SLC38A10: variants seen among roughly 807,000 people sequenced by gnomAD.
SLC38A10 encodes the protein solute carrier family 38 member 10, also known as Sodium-coupled neutral amino acid transporter 10.
Under a neutral mutation model 81.0 loss-of-function variants are expected in SLC38A10, and 53 were observed. The ratio of observed to expected loss-of-function variants is 0.65; its 90% confidence interval spans 0.53 to 0.82. The LOEUF is 0.82. Ranked by LOEUF, SLC38A10 falls within the 40% of genes least tolerant of loss-of-function variation. The pLI is 0.00. For missense variants in SLC38A10, 1,471 were observed against 1,545.0 expected (o/e 0.95, Z 0.80); for synonymous variants, 665 against 655.3 (o/e 1.01, Z -0.23).
Position 81,270,884 on chromosome 17 carries a change from C to T in SLC38A10, c.1131+34G>A, listed in dbSNP as rs1469783708. On this transcript the variant is annotated intron_variant, in intron 10 of 15. Coordinates refer to ENST00000374759, the MANE Select transcript of SLC38A10 (RefSeq NM_001037984.3). This position sits in a 1 kb window ranked among gnomAD's most constrained non-coding sequence, Gnocchi z 4.0. ...CCTCTCCCCAGCCCAGACCCATCAG[C>T]CCTCGTCCAGGCCACCCCACGAGCA... 6.3e-7 allele frequency: 1 copy of T among 1,593,106 alleles called. No homozygotes were observed. Among genetic ancestry groups the T allele is most frequent in the East Asian group, 2.2e-5 (1 of 44,788 alleles).
chr17:81,272,447 T>C (rs2063124885), intron 9 of SLC38A10, 69 bp downstream of exon 9: 2 of 960,750 alleles, frequency 2.1e-6, no homozygotes, highest in Non-Finnish European at 3.1e-6. Context: ...CTCGTAACTG[T>C]GCAGGTCTTG....
chr17:81,248,001 A>T (rs1412087519), intron 14 of SLC38A10, among the ~76,000 whole-genome samples: 28 of 110,586 alleles, frequency 2.5e-4, no homozygotes, highest in African/African-American at 8.0e-4. Context: ...TCTGTCACCC[A>T]GGCTGGAGTG....
intron 9 of SLC38A10, among the ~76,000 whole-genome samples, chr17:81,271,225 C>T (rs1476891041): frequency 1.3e-5 from 2 of 152,228 alleles, no homozygotes; most frequent in Admixed American, 6.5e-5. Context: ...ATTTAGGCCC[C>T]GGGGTGAATT....
rs1598372542 is a variant in SLC38A10, at chr17:81,245,285, C to A, written c.*271G>T. ...TGCACCAGCCAGCTCGCAGCGGAGG[C>A]CGTTTCTCCTCACAGGCTGGAGTGA... On this transcript the variant is annotated 3_prime_UTR_variant, in exon 16 of 16. Transcript: ENST00000374759. 13 of 405,902 alleles carry A rather than the reference C, an allele frequency of 3.2e-5. No individual in the cohort carries two copies. The East Asian group carries it at 5.5e-4, about 17-fold the overall frequency. 25.1% of individuals were successfully genotyped at this position (405,902 alleles called of 1,614,324 possible).
chr17:81,272,474 C>T (rs1398179165), intron 9 of SLC38A10, 42 bp downstream of exon 9: 5 of 1,431,584 alleles, frequency 3.5e-6, no homozygotes, highest in South Asian at 2.6e-5. Context: ...GCCGAAGCCC[C>T]GGGTCCCACT....
At chr17:81,256,568 G>A (rs571879918) in intron 11 of SLC38A10, among the ~76,000 whole-genome samples, 6 of 152,334 alleles carry the variant, frequency 3.9e-5, no homozygotes, top group African/African-American at 9.6e-5. Flanking sequence ...GGCATCCCAC[G>A]GACGGAGTGC....
intron 14 of SLC38A10, chr17:81,250,174 A>G: frequency 4.8e-6 from 6 of 1,242,190 alleles, no homozygotes; most frequent in Admixed American, 2.5e-5. Flanking sequence ...GAAGAAAATC[A>G]AAAGAATCAA....
chr17:81,290,851 C>G (rs964109649), intron 1 of SLC38A10, among the ~76,000 whole-genome samples: 2 of 151,826 alleles, frequency 1.3e-5, no homozygotes, highest in African/African-American at 4.8e-5. Flanking sequence ...ACTAAAAATA[C>G]AAAAATTAGC....
intron 11 of SLC38A10, among the ~76,000 whole-genome samples, chr17:81,258,962 A>C (rs1440197309): frequency 2.0e-5 from 3 of 152,216 alleles, no homozygotes; most frequent in African/African-American, 7.2e-5. Context: ...GCCATCCGGG[A>C]ACAGTCATCC....
chr17:81,275,055 G>A (rs183109760), intron 8 of SLC38A10, among the ~76,000 whole-genome samples: 2 of 152,210 alleles, frequency 1.3e-5, no homozygotes, highest in Admixed American at 6.5e-5. Context: ...ACAGGCATGC[G>A]CTGCCATGCG....
chr17:81,272,726 A>T, intron 8 of SLC38A10, 99 bp from the exon 9 acceptor site: 1 of 803,348 alleles, frequency 1.2e-6, no homozygotes, highest in Non-Finnish European at 1.9e-6. Context: ...CACACCAGGC[A>T]CATCTCCACG....
chr17:81,245,731 C>A lies in SLC38A10; in HGVS notation c.3185G>T (p.Gly1062Val). The change falls in exon 16 of 16, where the codon GGT becomes GTT. Residue 1062 changes from glycine (G) to valine (V), a missense_variant. By Grantham distance (109) the Gly-to-Val change is moderately radical. This residue lies in a region of SLC38A10 where 751 missense variants were observed against 717.4 expected (regional missense o/e 1.05). Coordinates refer to ENST00000374759, the MANE Select transcript of SLC38A10 (RefSeq NM_001037984.3). ...GACCCCATCCCTCGGGGCCAGCTGA[C>A]CCTCTGCATGAGGGCCAAGGTCCCG... ...RRRDLGPHAE[G>V]QLAPRDGVII... The A allele has an allele frequency of 6.3e-7, 1 of 1,597,782 alleles. No homozygotes were observed. The highest frequency in any genetic ancestry group is 8.6e-7 in the Non-Finnish European group (1 of 1,168,628).
Position 81,276,933 on chromosome 17 carries a change from C to T in SLC38A10, c.729+98G>A. The T allele has an allele frequency of 7.9e-7, 1 of 1,260,500 alleles. No homozygotes were observed. The highest frequency in any genetic ancestry group is 1.2e-5 in the South Asian group (1 of 81,986). The allele number at this position is 1,260,500 out of a possible 1,614,324, so 78.1% of individuals were successfully genotyped here. A position where few individuals can be genotyped will look rare whatever the true frequency, so the allele number is the denominator to read the frequency against. On this transcript the variant is annotated intron_variant, in intron 7 of 15. Coordinates refer to ENST00000374759, the MANE Select transcript of SLC38A10 (RefSeq NM_001037984.3). This position sits in a 1 kb window ranked among gnomAD's most constrained non-coding sequence, Gnocchi z 4.7. ...GAACAGAGAGAAAAACCCAGCAGCA[C>T]ACAGGGCCAGGGCCATGCCTGTGGC...
chr17:81,277,764 G>C lies in SLC38A10; in HGVS notation c.627-631C>G, dbSNP rs1392507085. On this transcript the variant is annotated intron_variant, in intron 6 of 15. Coordinates refer to ENST00000374759, the MANE Select transcript of SLC38A10 (RefSeq NM_001037984.3). This position sits in a 1 kb window ranked among gnomAD's most constrained non-coding sequence, Gnocchi z 4.5. ...CCCTGCACAGGCAGCAGACGCATCCGAGGGACCTGCACAGGGACCTGGGCC... is the reference window on the plus strand; with the variant it reads ...CCCTGCACAGGCAGCAGACGCATCCCAGGGACCTGCACAGGGACCTGGGCC... Among the ~76,000 whole-genome samples, 1 of 152,156 alleles carries C rather than the reference G, an allele frequency of 6.6e-6. No individual in the cohort carries two copies.
chr17:81,251,210 G>T, intron 14 of SLC38A10: 1 of 1,545,450 alleles, frequency 6.5e-7, no homozygotes, highest in South Asian at 1.2e-5. Flanking sequence ...AATGCCGCAG[G>T]TGTTTTAAAG....
chr17:81,249,785 G>T (rs1476035563), intron 14 of SLC38A10, among the ~76,000 whole-genome samples: 2 of 152,144 alleles, frequency 1.3e-5, no homozygotes, highest in Non-Finnish European at 2.9e-5. Context: ...GCCCTAAGCA[G>T]CCTGCACTCA....
intron 8 of SLC38A10, among the ~76,000 whole-genome samples, chr17:81,273,492 G>A (rs2063135116): frequency 6.6e-6 from 1 of 152,174 alleles, no homozygotes; most frequent in African/African-American, 2.4e-5. Flanking sequence ...CACACAGGAC[G>A]GACTGGCCGT....
chr17:81,280,704 G>A lies in SLC38A10; in HGVS notation c.531C>T (p.Leu177=). The change falls in exon 6 of 16, where the codon CTC becomes CTT. Residue 177 remains leucine (L), a synonymous_variant. Transcript: ENST00000374759. ...CCCGCCGCAGCCACTGCCCACTGAA[G>A]AGGCCGTGCTTGAGAGAGGAGAGCA... ...VIVLSSLKHG[L]FSGQWLRRVS... 6.2e-7 allele frequency: 1 copy of A among 1,613,732 alleles called. No homozygotes were observed. The highest frequency in any genetic ancestry group is 8.5e-7 in the Non-Finnish European group (1 of 1,179,954).
rs189903295 is a variant in SLC38A10, at chr17:81,283,218, C to T, written c.357+191G>A. Among the ~76,000 whole-genome samples, 163 of 152,258 alleles carry T rather than the reference C, an allele frequency of 1.1e-3. No individual in the cohort carries two copies. Among genetic ancestry groups the T allele is most frequent in the Middle Eastern group, 6.8e-3 (2 of 294 alleles). On this transcript the variant is annotated intron_variant, in intron 4 of 15. Coordinates refer to ENST00000374759, the MANE Select transcript of SLC38A10 (RefSeq NM_001037984.3). The surrounding 1 kb of genome is among the most constrained non-coding windows in gnomAD (Gnocchi z 4.7). ...GTGTCAGACTCTGCCTGGCTTGCTT[C>T]CTCGCGTGTACCTCTCACAGACGTG... is the stretch of plus-strand genomic sequence containing the variant.
Sources: allele counts gnomAD v4.1 joint callset (sites outside exome capture counted in the v4.1 genomes callset), GRCh38; gene constraint gnomAD v4.1.1; regional missense constraint gnomAD v4.1.1; non-coding constraint Gnocchi (gnomAD v3.1); transcripts MANE v1.5; gene names NCBI Gene and HGNC (gene_info 2026-07-23, HGNC 2026-07-21).